RBPJ: variants seen among roughly 807,000 people sequenced by gnomAD.
RBPJ encodes the protein recombination signal binding protein for immunoglobulin kappa J region.
In RBPJ, 9 loss-of-function variants were observed where a neutral mutation model predicts 67.8. The observed-to-expected ratio is 0.13, with a 90% CI of 0.08 to 0.23. The LOEUF (loss-of-function observed/expected upper bound fraction) is 0.23, where lower values mean the gene tolerates loss of function less well. Among genes scored for constraint, RBPJ ranks in the 10% least tolerant of loss-of-function variants. The pLI, the probability that RBPJ is intolerant of heterozygous loss-of-function variation, is 1.00. For missense variants in RBPJ, 305 were observed against 595.6 expected (o/e 0.51, Z 5.08); for synonymous variants, 198 against 203.3 (o/e 0.97, Z 0.22).
Position 26,424,749 on chromosome 4 carries a change from G to A in RBPJ, c.747+6G>A. 1 of 1,538,824 alleles carries A rather than the reference G, an allele frequency of 6.5e-7. No individual in the cohort carries two copies. Among genetic ancestry groups the A allele is most frequent in the Non-Finnish European group, 8.9e-7 (1 of 1,121,152 alleles). The stretch of plus-strand genomic sequence containing the variant: ...GCATGGCACTCCCAAGATTGGTATG[G>A]CTCTACTTTTGCTTTAGTGATAATG... On this transcript the variant is annotated splice_donor_region_variant and intron_variant, in intron 7 of 10. Coordinates refer to ENST00000355476, the MANE Select transcript of RBPJ (RefSeq NM_015874.6). The surrounding 1 kb of genome is among the most constrained non-coding windows in gnomAD (Gnocchi z 5.3).
intron 1 of RBPJ, among the ~76,000 whole-genome samples, chr4:26,371,624 T>C (rs79900144): frequency 6.6e-6 from 1 of 152,202 alleles, no homozygotes; most frequent in Non-Finnish European, 1.5e-5. Flanking sequence ...ATTTGAGTGA[T>C]CTCTACAGCT....
intron 1 of RBPJ, among the ~76,000 whole-genome samples, chr4:26,312,447 G>C (rs891898152): frequency 2.6e-5 from 4 of 152,094 alleles, no homozygotes; most frequent in Non-Finnish European, 4.4e-5. Flanking sequence ...GCCTTCTTAT[G>C]ACCCTGCTTA....
At chr4:26,350,566 C>T (rs1395664785) in intron 1 of RBPJ, among the ~76,000 whole-genome samples, 1 of 152,038 alleles carries the variant, frequency 6.6e-6, no homozygotes, top group African/African-American at 2.4e-5. Flanking sequence ...AAACCTTGCT[C>T]GGGACAAAAA....
intron 1 of RBPJ, among the ~76,000 whole-genome samples, chr4:26,229,748 G>A (rs982252382): frequency 6.6e-5 from 10 of 152,102 alleles, no homozygotes; most frequent in Admixed American, 2.0e-4. Context: ...ATTATAAGAC[G>A]ATAATAGTAG....
upstream of RBPJ, among the ~76,000 whole-genome samples, chr4:26,319,425 C>A (rs1722800676): frequency 6.6e-6 from 1 of 151,560 alleles, no homozygotes; most frequent in South Asian, 2.1e-4. Flanking sequence ...GTGCTCCCAG[C>A]CACGCGCCTT....
At chr4:26,299,636 G>A (rs960363393) in intron 1 of RBPJ, among the ~76,000 whole-genome samples, 10 of 148,326 alleles carry the variant, frequency 6.7e-5, no homozygotes, top group Non-Finnish European at 1.5e-5. Context: ...GGCAAATAAC[G>A]AGCAGATTTT....
At chr4:26,275,618 T>TTTTTG (rs142932521) in intron 1 of RBPJ, among the ~76,000 whole-genome samples, 46 of 151,200 alleles carry the variant, frequency 3.0e-4, no homozygotes, top group Admixed American at 1.3e-3. Context: ...AATCATAGGT[T>TTTTTG]TTTTGTTTTG....
chr4:26,115,786 C>A, the RBPJ span, among the ~76,000 whole-genome samples: 1 of 152,150 alleles, frequency 6.6e-6, no homozygotes. Flanking sequence ...TAAAGAAGAG[C>A]GAAACAGTAT....
the RBPJ span, among the ~76,000 whole-genome samples, chr4:26,150,396 T>A: frequency 6.6e-6 from 1 of 152,230 alleles, no homozygotes; most frequent in Non-Finnish European, 1.5e-5. Context: ...TCACCCCCAC[T>A]GGGTGCAACC....
At chr4:26,216,692 C>G (rs889532175) in intron 1 of RBPJ, among the ~76,000 whole-genome samples, 3 of 152,026 alleles carry the variant, frequency 2.0e-5, no homozygotes, top group African/African-American at 7.2e-5. Flanking sequence ...AGGCTGAGGT[C>G]TGGGTGGATC....
chr4:26,152,710 A>G, the RBPJ span, among the ~76,000 whole-genome samples: 1 of 152,238 alleles, frequency 6.6e-6, no homozygotes, highest in African/African-American at 2.4e-5. Context: ...CCATAGCCCA[A>G]GCTCTTAATC....
chr4:26,176,100 T>G (rs889618535), intron 1 of RBPJ, among the ~76,000 whole-genome samples: 2 of 152,260 alleles, frequency 1.3e-5, no homozygotes, highest in Non-Finnish European at 2.9e-5. Context: ...AATTTTTTAG[T>G]GTAAGAATGT....
intron 1 of RBPJ, among the ~76,000 whole-genome samples, chr4:26,307,991 T>C (rs1311143170): frequency 6.6e-6 from 1 of 152,162 alleles, no homozygotes; most frequent in Admixed American, 6.5e-5. Flanking sequence ...ATAGAGTTTC[T>C]CTAGGCCTGG....
the RBPJ span, among the ~76,000 whole-genome samples, chr4:26,135,745 C>T: frequency 7.9e-5 from 12 of 152,288 alleles, no homozygotes; most frequent in African/African-American, 2.9e-4. Flanking sequence ...CCATCACGCG[C>T]TGAACTTCAC....
rs143995176 is a variant in RBPJ, at chr4:26,409,499, A to C, written c.155+3229A>C. On this transcript the variant is annotated intron_variant, in intron 3 of 10. Transcript: ENST00000355476. The stretch of plus-strand genomic sequence containing the variant: ...CATATCTTTTATTGTAGTAGCTTTT[A>C]TTTTTCTTTTTTCTTTTTGAGACAG... Among the ~76,000 whole-genome samples the C allele has an allele frequency of 7.3e-3, 1,107 of 152,156 alleles. 31 individuals carry two copies. The highest frequency in any genetic ancestry group is 0.052 in the Admixed American group (793 of 15,290).
chr4:26,310,280 T>A (rs893073788), intron 1 of RBPJ, among the ~76,000 whole-genome samples: 3 of 152,220 alleles, frequency 2.0e-5, no homozygotes, highest in African/African-American at 7.2e-5. Context: ...CTCTTTCAAT[T>A]TCCTATACAT....
intron 1 of RBPJ, among the ~76,000 whole-genome samples, chr4:26,180,859 T>C (rs756476891): frequency 6.6e-6 from 1 of 152,268 alleles, no homozygotes; most frequent in Non-Finnish European, 1.5e-5. Context: ...AAGACCATTA[T>C]GCAGGGCAAT....
chr4:26,164,663 T>C (rs1716196561), intron 1 of RBPJ, among the ~76,000 whole-genome samples: 1 of 152,216 alleles, frequency 6.6e-6, no homozygotes, highest in South Asian at 2.1e-4. Flanking sequence ...CATTTGAAAG[T>C]TTTACTGAAA....
chr4:26,328,883 C>G (rs1216836341), intron 1 of RBPJ, among the ~76,000 whole-genome samples: 1 of 152,194 alleles, frequency 6.6e-6, no homozygotes, highest in Non-Finnish European at 1.5e-5. Context: ...CTCCCGGGCT[C>G]AAGTGATCCT....
Sources: allele counts gnomAD v4.1 joint callset (sites outside exome capture counted in the v4.1 genomes callset), GRCh38; gene constraint gnomAD v4.1.1; non-coding constraint Gnocchi (gnomAD v3.1); transcripts MANE v1.5; gene names NCBI Gene and HGNC (gene_info 2026-07-23, HGNC 2026-07-21).